Variants in LRRC4C observed in about 807,000 individuals in gnomAD.
LRRC4C encodes the protein leucine-rich repeat-containing protein 4C.
In LRRC4C, 5 loss-of-function variants were observed where a neutral mutation model predicts 33.6. The ratio of observed to expected loss-of-function variants is 0.15; its 90% confidence interval spans 0.08 to 0.31. The LOEUF (loss-of-function observed/expected upper bound fraction) is 0.31. LRRC4C is among the 10% of genes least tolerant of loss of function. The pLI, the probability that LRRC4C is intolerant of heterozygous loss-of-function variation, is 1.00. For synonymous variants in LRRC4C, 329 were observed against 302.0 expected (o/e 1.09, Z -0.93); for missense variants, 560 against 796.7 (o/e 0.70, Z 3.58).
At chr11:40,394,377 G>A (rs1383157839) in intron 3 of LRRC4C, among the ~76,000 whole-genome samples, 1 of 152,040 alleles carries the variant, frequency 6.6e-6, no homozygotes, top group African/African-American at 2.4e-5. Context: ...ATCTTCAAGG[G>A]GCTAGGACAA....
chr11:41,145,783 C>T (rs929182526), intron 1 of LRRC4C, among the ~76,000 whole-genome samples: 1 of 152,158 alleles, frequency 6.6e-6, no homozygotes, highest in Non-Finnish European at 1.5e-5. Flanking sequence ...TGTGACACTT[C>T]TCTTTCACTA....
At chr11:40,279,187 C>T (rs1943312134) in intron 4 of LRRC4C, among the ~76,000 whole-genome samples, 1 of 152,134 alleles carries the variant, frequency 6.6e-6, no homozygotes, top group Non-Finnish European at 1.5e-5. Context: ...CTCTTTTTTG[C>T]TTAACCTCGC....
intron 4 of LRRC4C, among the ~76,000 whole-genome samples, chr11:40,297,766 T>G (rs1467728782): frequency 6.6e-6 from 1 of 152,198 alleles, no homozygotes; most frequent in Non-Finnish European, 1.5e-5. Flanking sequence ...AGATTTCAAC[T>G]CATGTAATCC....
intron 1 of LRRC4C, among the ~76,000 whole-genome samples, chr11:40,971,088 A>C (rs548027673): frequency 5.2e-4 from 79 of 152,366 alleles, no homozygotes; most frequent in African/African-American, 1.8e-3. Context: ...GCAGTAGAAA[A>C]GAAAAACTCA....
chr11:40,124,279 A>C (rs1272471657), intron 6 of LRRC4C, among the ~76,000 whole-genome samples: 2 of 152,192 alleles, frequency 1.3e-5, no homozygotes, highest in African/African-American at 4.8e-5. Flanking sequence ...TAACTATAAT[A>C]TAATCCAGCA....
At position 40,444,441 on chromosome 11, in the gene LRRC4C, G is replaced by A. The variant is rs1951537863; in HGVS notation, c.-269-124720C>T. ...ACATGATCTTAGAATTATACAAATT[G>A]GGATTACTTTATCTAATGTTTCCGA... On this transcript the variant is annotated intron_variant, in intron 3 of 6. Coordinates refer to ENST00000528697, the MANE Select transcript of LRRC4C (RefSeq NM_001258419.2). 3.3e-5 allele frequency among the ~76,000 whole-genome samples: 5 copies of A among 149,452 alleles called. No homozygotes were observed. The South Asian group carries it at 1.0e-3, about 31-fold the overall frequency.
chr11:41,277,011 T>C (rs1182067864), intron 1 of LRRC4C, among the ~76,000 whole-genome samples: 2 of 152,210 alleles, frequency 1.3e-5, no homozygotes, highest in Admixed American at 1.3e-4. Flanking sequence ...TAGCTCTTTA[T>C]AGCAGTAACA....
chr11:41,043,068 C>CTTTTTTT (rs67605827), intron 1 of LRRC4C, among the ~76,000 whole-genome samples: 30 of 75,810 alleles, frequency 4.0e-4, no homozygotes, highest in East Asian at 5.3e-4. Context: ...CAGAATAGAC[C>CTTTTTTT]TTTTTTTTTT....
Position 40,467,199 on chromosome 11 carries a change from A to G in LRRC4C, c.-269-147478T>C, listed in dbSNP as rs74440786. The stretch of plus-strand genomic sequence containing the variant: ...TAGAGAGTAGAAGTGAGATACTTGT[A>G]TAAGATGTGCAAAAACTCAGAGGAA... On this transcript the variant is annotated intron_variant, in intron 3 of 6. Transcript: ENST00000528697. Among the ~76,000 whole-genome samples the G allele has an allele frequency of 3.0e-3, 459 of 152,280 alleles. 1 individual carries two copies. The highest frequency in any genetic ancestry group is 0.011 in the African/African-American group (442 of 41,570).
At chr11:40,370,160 G>A (rs1948389312) in intron 3 of LRRC4C, among the ~76,000 whole-genome samples, 1 of 152,110 alleles carries the variant, frequency 6.6e-6, no homozygotes, top group African/African-American at 2.4e-5. Context: ...CTAGGCCTGA[G>A]GGACCCACTG....
intron 1 of LRRC4C, among the ~76,000 whole-genome samples, chr11:41,061,933 G>A (rs1050742812): frequency 6.6e-6 from 1 of 152,190 alleles, no homozygotes; most frequent in African/African-American, 2.4e-5. Flanking sequence ...AGAAAGCAGT[G>A]TGAGGTGAGG....
intron 2 of LRRC4C, among the ~76,000 whole-genome samples, chr11:40,734,553 A>G (rs989137039): frequency 2.6e-5 from 4 of 152,162 alleles, no homozygotes; most frequent in African/African-American, 9.7e-5. Flanking sequence ...TTAAAAACGG[A>G]TCCCTCCACC....
intron 3 of LRRC4C, among the ~76,000 whole-genome samples, chr11:40,387,779 T>A (rs1389621680): frequency 6.6e-6 from 1 of 152,186 alleles, no homozygotes; most frequent in Non-Finnish European, 1.5e-5. Context: ...AGTTACTTTG[T>A]AAATGGTTAA....
At chr11:40,629,660 A>G (rs751485367) in intron 3 of LRRC4C, among the ~76,000 whole-genome samples, 1 of 152,184 alleles carries the variant, frequency 6.6e-6, no homozygotes, top group African/African-American at 2.4e-5. Context: ...AACATTGAGT[A>G]TAGGCACTTG....
chr11:40,855,821 T>C (rs934534185), intron 2 of LRRC4C, among the ~76,000 whole-genome samples: 1 of 152,040 alleles, frequency 6.6e-6, no homozygotes, highest in Admixed American at 6.6e-5. Context: ...AGGTACAGAA[T>C]TTAAATGAAT....
intron 1 of LRRC4C, among the ~76,000 whole-genome samples, chr11:41,333,645 A>T (rs1951363080): frequency 6.6e-6 from 1 of 152,196 alleles, no homozygotes; most frequent in Non-Finnish European, 1.5e-5. Context: ...AGTGGCATTA[A>T]AGCAAGTGAG....
At chr11:40,354,715 G>T (rs139491296) in intron 3 of LRRC4C, among the ~76,000 whole-genome samples, 2 of 152,078 alleles carry the variant, frequency 1.3e-5, no homozygotes, top group Non-Finnish European at 2.9e-5. Context: ...CTAGGCCTGG[G>T]TCTCTCCTTT....
chr11:41,350,583 T>C (rs1052421555), intron 1 of LRRC4C, among the ~76,000 whole-genome samples: 3 of 150,200 alleles, frequency 2.0e-5, no homozygotes, highest in Non-Finnish European at 4.4e-5. Flanking sequence ...AAAAATGAGA[T>C]GAAATATTAA....
At chr11:40,208,775 T>C (rs1266036503) in intron 5 of LRRC4C, among the ~76,000 whole-genome samples, 1 of 152,198 alleles carries the variant, frequency 6.6e-6, no homozygotes, top group African/African-American at 2.4e-5. Flanking sequence ...AAAACTCCTT[T>C]AGTTCCCTAT....
Sources: gnomAD v4.1 joint callset for allele counts (sites outside exome capture counted in the v4.1 genomes callset) on GRCh38, gnomAD v4.1.1 for gene constraint, MANE v1.5 for transcripts, NCBI Gene and HGNC (gene_info 2026-07-23, HGNC 2026-07-21) for gene names.